MAPK10: variants seen among roughly 807,000 people sequenced by gnomAD.
MAPK10 encodes mitogen-activated protein kinase 10, also known as JNK3 alpha protein kinase.
Under a neutral mutation model 59.3 loss-of-function variants are expected in MAPK10, and 25 were observed. That is an observed-to-expected ratio of 0.42 (90% confidence interval 0.31 to 0.59). The LOEUF is 0.59. MAPK10 is among the 20% of genes least tolerant of loss of function. The pLI is 0.15. For synonymous variants in MAPK10, 190 were observed against 200.5 expected (o/e 0.95, Z 0.44); for missense variants, 351 against 568.9 (o/e 0.62, Z 3.90).
chr4:86,567,406 G>C (rs1029912913), intron 1 of MAPK10, among the ~76,000 whole-genome samples: 1 of 152,128 alleles, frequency 6.6e-6, no homozygotes, highest in Non-Finnish European at 1.5e-5. Context: ...TGTTAGTAGA[G>C]ACAGGGTTTC....
chr4:86,260,358 G>T (rs576863708), intron 2 of MAPK10, among the ~76,000 whole-genome samples: 1 of 152,142 alleles, frequency 6.6e-6, no homozygotes, highest in East Asian at 1.9e-4. Flanking sequence ...GTAACATGTG[G>T]AATTATTAGT....
At chr4:86,296,276 G>A (rs2095360855) in intron 2 of MAPK10, among the ~76,000 whole-genome samples, 1 of 152,028 alleles carries the variant, frequency 6.6e-6, no homozygotes, top group South Asian at 2.1e-4. Flanking sequence ...TGGATTTGTG[G>A]GAAACAGGAG....
intron 1 of MAPK10, among the ~76,000 whole-genome samples, chr4:86,482,500 G>A (rs746487457): frequency 2.6e-5 from 4 of 152,114 alleles, no homozygotes; most frequent in Non-Finnish European, 5.9e-5. Flanking sequence ...GGGATGCAGA[G>A]GGAGGAAGAA....
chr4:86,117,004 C>A (rs1013923281), intron 4 of MAPK10, among the ~76,000 whole-genome samples: 1 of 152,234 alleles, frequency 6.6e-6, no homozygotes, highest in Admixed American at 6.5e-5. Flanking sequence ...AGTCTTTCTG[C>A]TAATTACAAA....
chr4:86,443,343 A>T (rs1176086299), intron 1 of MAPK10, among the ~76,000 whole-genome samples: 1 of 152,144 alleles, frequency 6.6e-6, no homozygotes, highest in African/African-American at 2.4e-5. Context: ...CCCTCAGGAG[A>T]AACTATTTTA....
intron 10 of MAPK10, among the ~76,000 whole-genome samples, chr4:86,067,418 T>G (rs904962492): frequency 3.3e-5 from 5 of 152,102 alleles, no homozygotes; most frequent in Non-Finnish European, 7.4e-5. Context: ...AGTGCTGAGG[T>G]TACAGACTTG....
At chr4:86,427,726 T>C (rs1473065455) in intron 1 of MAPK10, among the ~76,000 whole-genome samples, 2 of 152,236 alleles carry the variant, frequency 1.3e-5, no homozygotes, top group Non-Finnish European at 2.9e-5. Flanking sequence ...TCTCATTTCA[T>C]CTCTCTTCTT....
At chr4:86,259,663 T>A (rs546993138) in intron 2 of MAPK10, among the ~76,000 whole-genome samples, 31 of 152,214 alleles carry the variant, frequency 2.0e-4, no homozygotes, top group Non-Finnish European at 4.0e-4. Flanking sequence ...TTTCTATAAT[T>A]TTGAATAATC....
intron 4 of MAPK10, chr4:86,125,299 A>G (rs2059895895): frequency 6.6e-6 from 1 of 151,980 alleles, no homozygotes; most frequent in South Asian, 2.1e-4. Context: ...ATTTCAGCAG[A>G]TTAATATACA....
intron 13 of MAPK10, among the ~76,000 whole-genome samples, chr4:86,021,796 G>A (rs1004712435): frequency 1.3e-5 from 2 of 152,246 alleles, no homozygotes; most frequent in African/African-American, 4.8e-5. Context: ...GCACAGCGCC[G>A]GTGGGCCGGC....
intron 11 of MAPK10, among the ~76,000 whole-genome samples, chr4:86,033,936 G>A (rs2039634012): frequency 1.3e-5 from 2 of 152,206 alleles, no homozygotes; most frequent in Admixed American, 6.5e-5. Context: ...GGATGAGATA[G>A]TTCAAAACAT....
chr4:86,221,483 T>G lies in MAPK10; in HGVS notation c.-6-27076A>C, dbSNP rs547334153. Among the ~76,000 whole-genome samples, 422 of 152,086 alleles carry G rather than the reference T, an allele frequency of 2.8e-3. 5 individuals carry two copies. Among genetic ancestry groups the G allele is most frequent in the Non-Finnish European group, 4.1e-3 (279 of 67,984 alleles). On this transcript the variant is annotated intron_variant, in intron 2 of 13. Transcript: ENST00000641462. ...TGCATATTCAAGTATATTTTTGGTTTTTTTTTTTTATAAAAACAGGGTCTG... is the reference window on the plus strand; with the variant it reads ...TGCATATTCAAGTATATTTTTGGTTGTTTTTTTTTATAAAAACAGGGTCTG...
chr4:86,571,496 A>C (rs1483123829), intron 1 of MAPK10, among the ~76,000 whole-genome samples: 1 of 152,080 alleles, frequency 6.6e-6, no homozygotes, highest in Non-Finnish European at 1.5e-5. Context: ...AGATAAAATA[A>C]CAACAGTGAG....
At position 86,229,561 on chromosome 4, in the gene MAPK10, TA is replaced by T. The variant is rs368986805; in HGVS notation, c.-6-35155del. 3.3e-5 allele frequency among the ~76,000 whole-genome samples: 5 copies of T among 152,284 alleles called. No individual in the cohort carries two copies. In the East Asian group the frequency reaches 9.6e-4, roughly 29 times the overall value. ...TCCACTTTATAGTAGAATAAACTAA[TA>T]TGGCCTGTGTTATGAAGGAAATTAA... On this transcript the variant is annotated intron_variant, in intron 2 of 13. Transcript: ENST00000641462.
At chr4:86,038,375 G>A (rs2040784531) in intron 11 of MAPK10, among the ~76,000 whole-genome samples, 1 of 152,154 alleles carries the variant, frequency 6.6e-6, no homozygotes, top group Non-Finnish European at 1.5e-5. Flanking sequence ...AATATGCTTT[G>A]TTTTTTCTTA....
In MAPK10 at chr4:86,501,667, T is replaced by C. The variant is rs2904104; in HGVS notation, c.-263+92243A>G. On this transcript the variant is annotated intron_variant, in intron 1 of 4. Transcript: ENST00000502302. Reference sequence around the variant, plus strand: ...AACAGAAAACATGCATTTGTATGCATGTGTGTGTGCATGCACACACACACA... The same window carrying C: ...AACAGAAAACATGCATTTGTATGCACGTGTGTGTGCATGCACACACACACA... 9.3e-3 allele frequency among the ~76,000 whole-genome samples: 1,406 copies of C among 150,474 alleles called. 21 individuals carry two copies. Among genetic ancestry groups the C allele is most frequent in the Non-Finnish European group, 0.013 (910 of 67,664 alleles).
chr4:86,325,338 A>G (rs752442041), intron 2 of MAPK10, among the ~76,000 whole-genome samples: 8 of 152,240 alleles, frequency 5.3e-5, no homozygotes, highest in Non-Finnish European at 1.2e-4. Flanking sequence ...AAGGAAGGTC[A>G]CTACTATTAT....
intron 5 of MAPK10, among the ~76,000 whole-genome samples, chr4:86,106,541 G>A (rs1184397860): frequency 1.3e-5 from 2 of 151,036 alleles, no homozygotes; most frequent in East Asian, 1.9e-4. Flanking sequence ...TTATTAAGAA[G>A]AAGTGGAGCA....
chr4:86,361,046 T>C (rs1378476866), upstream of MAPK10, among the ~76,000 whole-genome samples: 2 of 152,220 alleles, frequency 1.3e-5, no homozygotes, highest in Non-Finnish European at 2.9e-5. Flanking sequence ...CAAGTAGTGC[T>C]GAGTTGTAAA....
Sources: allele counts gnomAD v4.1 joint callset (sites outside exome capture counted in the v4.1 genomes callset), GRCh38; gene constraint gnomAD v4.1.1; transcripts MANE v1.5; gene names NCBI Gene and HGNC (gene_info 2026-07-23, HGNC 2026-07-21).